MPDZ: variants seen among roughly 807,000 people sequenced by gnomAD.
MPDZ encodes the protein multiple PDZ domain crumbs cell polarity complex component, also known as multiple PDZ domain protein.
In MPDZ, 234 loss-of-function variants were observed where a neutral mutation model predicts 239.1. That is an observed-to-expected ratio of 0.98 (90% CI 0.88 to 1.09). The LOEUF (loss-of-function observed/expected upper bound fraction) is 1.09. Ranked by LOEUF, MPDZ falls within the 50% of genes least tolerant of loss-of-function variation. The pLI is 0.00. For synonymous variants in MPDZ, 1,048 were observed against 881.3 expected, an observed-to-expected ratio of 1.19 and a Z score of -3.35; for missense variants, 3,175 against 2,510.0, an observed-to-expected ratio of 1.26 and a Z score of -5.66.
chr9:13,156,725 G>A (rs956098251), intron 24 of MPDZ, among the ~76,000 whole-genome samples: 1 of 152,104 alleles, frequency 6.6e-6, no homozygotes, highest in African/African-American at 2.4e-5. Flanking sequence ...TACTAAAACT[G>A]ACCAACCTAT....
chr9:13,234,123 T>C (rs1275860182), intron 3 of MPDZ, among the ~76,000 whole-genome samples: 2 of 152,172 alleles, frequency 1.3e-5, no homozygotes, highest in African/African-American at 4.8e-5. Flanking sequence ...CACACTATTT[T>C]GATATATGCT....
intron 1 of MPDZ, among the ~76,000 whole-genome samples, chr9:13,269,016 A>T (rs1453245971): frequency 2.6e-5 from 4 of 151,606 alleles, no homozygotes; most frequent in East Asian, 1.9e-4. Flanking sequence ...TTAGGTTGTT[A>T]AAAAAACCTC....
intron 39 of MPDZ, among the ~76,000 whole-genome samples, chr9:13,116,230 T>C (rs1251030312): frequency 6.6e-6 from 1 of 152,108 alleles, no homozygotes; most frequent in Non-Finnish European, 1.5e-5. Context: ...AAGAAGGTGT[T>C]TGAGATCCTG....
Position 13,193,320 on chromosome 9 carries a change from A to G in MPDZ, c.1657-7T>C. Reference sequence around the variant, plus strand: ...ACTTGCTCACATGGGCCACCTGAAAAGAAAAAAAAAAAGATCACCACAATT... The same window carrying G: ...ACTTGCTCACATGGGCCACCTGAAAGGAAAAAAAAAAAGATCACCACAATT... On this transcript the variant is annotated splice_polypyrimidine_tract_variant and splice_region_variant and intron_variant, in intron 13 of 46. Coordinates refer to ENST00000319217, the MANE Select transcript of MPDZ (RefSeq NM_001378778.1). The G allele has an allele frequency of 1.3e-6, 2 of 1,580,884 alleles. No individual in the cohort carries two copies. Among genetic ancestry groups the G allele is most frequent in the Non-Finnish European group, 1.7e-6 (2 of 1,166,262 alleles).
At position 13,224,377 on chromosome 9, in the gene MPDZ, G is replaced by C. The variant is rs775420812; in HGVS notation, c.390C>G (p.Ala130=). 9.9e-6 allele frequency: 16 copies of C among 1,609,840 alleles called. No homozygotes were observed. Among genetic ancestry groups the C allele is most frequent in the African/African-American group, 1.3e-5 (1 of 74,636 alleles). The change falls in exon 4 of 47, where the codon GCC becomes GCG. Residue 130 remains alanine (A), a synonymous_variant. Coordinates refer to ENST00000319217, the MANE Select transcript of MPDZ (RefSeq NM_001378778.1). ...DEFDQLIKNM[A]QGRHVEVFEL... ...TAACAGAAAGAAATGTTCTTACCTG[G>C]GCCATATTTTTGATAAGCTGATCAA...
At chr9:13,258,045 A>C (rs1969847549) in intron 1 of MPDZ, among the ~76,000 whole-genome samples, 1 of 152,210 alleles carries the variant, frequency 6.6e-6, no homozygotes, top group African/African-American at 2.4e-5. Context: ...TTTACCTGTG[A>C]CCATATGATT....
At chr9:13,154,473 C>G (rs951371794) in intron 24 of MPDZ, among the ~76,000 whole-genome samples, 28 of 152,116 alleles carry the variant, frequency 1.8e-4, no homozygotes, top group African/African-American at 6.8e-4. Context: ...TGCTCTTTTG[C>G]TACTTAATGA....
In MPDZ at chr9:13,106,993, C is replaced by T. The variant is rs1419004251; in HGVS notation, c.6185G>A (p.Gly2062Asp). ...AGAGAGAACCATCAAAGTGACAGTG[C>T]CTTTTGTCCGTTTAAGGATGGCAAC... Reference protein sequence around the residue: ...EAVAILKRTKGTVTLMVLS With the variant: ...EAVAILKRTKDTVTLMVLS The change falls in exon 47 of 47, where the codon GGC becomes GAC. Residue 2062 changes from glycine (G) to aspartate (D), a missense_variant. By Grantham distance (94) the Gly-to-Asp change is moderately conservative. Coordinates refer to ENST00000319217, the MANE Select transcript of MPDZ (RefSeq NM_001378778.1). 1.2e-6 allele frequency: 2 copies of T among 1,613,522 alleles called. No individual in the cohort carries two copies. The highest frequency in any genetic ancestry group is 1.6e-4 in the Middle Eastern group (1 of 6,084).
chr9:13,189,067 C>T (rs1298389833), intron 16 of MPDZ, 74 bp from the exon 17 acceptor site: 7 of 1,281,582 alleles, frequency 5.5e-6, no homozygotes, highest in East Asian at 4.9e-5. Flanking sequence ...CACTCTAAAT[C>T]GTAACGAATG....
chr9:13,241,510 C>T (rs1211387191), intron 3 of MPDZ, among the ~76,000 whole-genome samples: 1 of 152,142 alleles, frequency 6.6e-6, no homozygotes, highest in Non-Finnish European at 1.5e-5. Context: ...CTCCCCTTTA[C>T]TGATAGCAAG....
rs1227975252 is a variant in MPDZ at position 13,223,680 on chromosome 9, T to C, written c.424A>G (p.Lys142Glu). The C allele has an allele frequency of 3.7e-6, 6 of 1,609,546 alleles. No homozygotes were observed. Among genetic ancestry groups the C allele is most frequent in the Non-Finnish European group, 4.2e-6 (5 of 1,177,742 alleles). The change falls in exon 5 of 47, where the codon AAA becomes GAA. Residue 142 changes from lysine (K) to glutamate (E), a missense_variant. By Grantham distance (56) the Lys-to-Glu change is moderately conservative. Transcript: ENST00000319217. ...GRHVEVFELL[K>E]PPSGGLGFSV... ...AACCCAAGGCCTCCAGATGGAGGTT[T>C]GAGGAGCTCAAAAACTTCTACATGG... is the stretch of plus-strand genomic sequence containing the variant.
In MPDZ at chr9:13,190,365, C is replaced by T. The variant is rs982112198; in HGVS notation, c.1969-66G>A. Reference sequence around the variant, plus strand: ...TTAGCTGACACACATACCAACACTACAAGAAAAGGGATATTCCCAGCATCT... The same window carrying T: ...TTAGCTGACACACATACCAACACTATAAGAAAAGGGATATTCCCAGCATCT... On this transcript the variant is annotated intron_variant, in intron 15 of 46. Transcript: ENST00000319217. The T allele has an allele frequency of 3.9e-6, 5 of 1,291,356 alleles. No homozygotes were observed. The African/African-American group carries it at 4.5e-5, about 12-fold the overall frequency. The allele number at this position is 1,291,356 out of a possible 1,614,324, so 80.0% of individuals were successfully genotyped here. A position where few individuals can be genotyped will look rare whatever the true frequency, so the allele number is the denominator to read the frequency against.
chr9:13,142,063 T>TA (rs1391815637), intron 27 of MPDZ, among the ~76,000 whole-genome samples: 1 of 151,992 alleles, frequency 6.6e-6, no homozygotes, highest in East Asian at 1.9e-4. Flanking sequence ...TTTTTCTGGC[T>TA]AAAAAAAATT....
At position 13,121,900 on chromosome 9, in the gene MPDZ, A is replaced by G. The variant is rs755555107; in HGVS notation, c.5070T>C (p.His1690=). 6.2e-7 allele frequency: 1 copy of G among 1,613,598 alleles called. No homozygotes were observed. Among genetic ancestry groups the G allele is most frequent in the African/African-American group, 1.3e-5 (1 of 74,886 alleles). Residue 1690 remains histidine (H), a synonymous_variant, in exon 38 of 47, where the codon CAT becomes CAC. Coordinates refer to ENST00000319217, the MANE Select transcript of MPDZ (RefSeq NM_001378778.1). ...VNGIDLRKAT[H]DEAINVLRQT... ...GTCTCAGGACATTGATTGCTTCATC[A>G]TGTGTGGCCTTTCTCAAGTCAATTC...
chr9:13,216,890 C>T (rs773989380), intron 9 of MPDZ, 28 bp from the exon 10 acceptor site: 6 of 1,551,578 alleles, frequency 3.9e-6, no homozygotes, highest in South Asian at 1.1e-5. Context: ...TTATTTTTCA[C>T]AATTTTCAAA....
intron 3 of MPDZ, among the ~76,000 whole-genome samples, chr9:13,231,058 A>G (rs888132165): frequency 1.3e-5 from 2 of 152,188 alleles, no homozygotes; most frequent in Non-Finnish European, 2.9e-5. Context: ...AAATTCAAAA[A>G]AGTCAAAAAG....
At chr9:13,184,523 C>A (rs1254374135) in intron 18 of MPDZ, among the ~76,000 whole-genome samples, 1 of 151,748 alleles carries the variant, frequency 6.6e-6, no homozygotes, top group African/African-American at 2.4e-5. Flanking sequence ...TACCTGTGGG[C>A]CATTTTGAAG....
At chr9:13,268,993 A>G (rs1972401254) in intron 1 of MPDZ, among the ~76,000 whole-genome samples, 1 of 152,236 alleles carries the variant, frequency 6.6e-6, no homozygotes, top group Non-Finnish European at 1.5e-5. Flanking sequence ...ACTAATGATA[A>G]TACAACCAGA....
chr9:13,228,947 A>G (rs1057088167), intron 3 of MPDZ, among the ~76,000 whole-genome samples: 2 of 152,144 alleles, frequency 1.3e-5, no homozygotes, highest in African/African-American at 2.4e-5. Flanking sequence ...CACAAACTAG[A>G]GCATCTCTGA....
Sources: allele counts gnomAD v4.1 joint callset (sites outside exome capture counted in the v4.1 genomes callset), GRCh38; gene constraint gnomAD v4.1.1; transcripts MANE v1.5; gene names NCBI Gene and HGNC (gene_info 2026-07-23, HGNC 2026-07-21).